TRIM49C: variants seen among roughly 807,000 people sequenced by gnomAD.
The protein encoded by TRIM49C is tripartite motif-containing protein 49C.
TRIM49C carries 6 observed loss-of-function variants against 21.4 expected under a neutral mutation model. The observed-to-expected ratio is 0.28, with a 90% confidence interval of 0.15 to 0.55. The LOEUF is 0.55. Among genes scored for constraint, TRIM49C ranks in the 20% least tolerant of loss-of-function variants. The pLI, the probability that TRIM49C is intolerant of heterozygous loss-of-function variation, is 0.94. For synonymous variants in TRIM49C, 57 were observed against 148.1 expected, an observed-to-expected ratio of 0.38 and a Z score of 4.47; for missense variants, 161 against 442.4, an observed-to-expected ratio of 0.36 and a Z score of 5.71.
intron 4 of TRIM49C, among the ~76,000 whole-genome samples, chr11:90,036,876 G>T (rs1465993626): frequency 1.5e-5 from 2 of 137,216 alleles, no homozygotes; most frequent in South Asian, 5.0e-4. Flanking sequence ...AAGCAGGGAA[G>T]TAGAAAAGGA....
intron 2 of TRIM49C, among the ~76,000 whole-genome samples, chr11:90,034,728 C>T (rs1254317876): frequency 7.5e-6 from 1 of 133,266 alleles, no homozygotes; most frequent in Non-Finnish European, 1.6e-5. Flanking sequence ...TGGTGGTTTG[C>T]TGCCCGGCTT....
the TRIM49C span, among the ~76,000 whole-genome samples, chr11:90,070,829 T>C: frequency 2.8e-4 from 40 of 141,748 alleles, 1 homozygote; most frequent in Non-Finnish European, 1.4e-4. Context: ...CAGAGTCTTC[T>C]GTCAACCAGG....
chr11:90,071,769 G>A, the TRIM49C span: 5 of 1,162,806 alleles, frequency 4.3e-6, no homozygotes, highest in Non-Finnish European at 6.1e-6. Flanking sequence ...CACAGGACCG[G>A]TGGACAGGCT....
At chr11:90,053,312 C>T in the TRIM49C span, 1 of 145,194 alleles carries the variant, frequency 6.9e-6, no homozygotes, top group South Asian at 2.0e-4. Flanking sequence ...GGGCTGCGTT[C>T]CCCTCCCTGT....
intron 2 of TRIM49C, among the ~76,000 whole-genome samples, chr11:90,033,342 A>G (rs1217933568): frequency 2.2e-5 from 3 of 133,408 alleles, no homozygotes; most frequent in Admixed American, 8.6e-5. Context: ...GGTTCTCCAG[A>G]CAGAACCATA....
At chr11:90,063,089 T>A in the TRIM49C span, 3 of 1,167,096 alleles carry the variant, frequency 2.6e-6, no homozygotes, top group Middle Eastern at 6.2e-4. Flanking sequence ...GTGGACAATT[T>A]TCTTTGTCTA....
the TRIM49C span, among the ~76,000 whole-genome samples, chr11:90,049,039 G>A: frequency 1.6e-3 from 198 of 125,618 alleles, 41 homozygotes; most frequent in Admixed American, 3.3e-3. Context: ...CACTCCAGAC[G>A]CTGTTTGCCT....
the TRIM49C span, chr11:90,073,480 C>T: frequency 2.6e-6 from 1 of 387,090 alleles, no homozygotes; most frequent in South Asian, 2.6e-5. Flanking sequence ...ACTTTTCAGG[C>T]TTTTTTCTAC....
Position 90,033,440 on chromosome 11 carries a change from A to G in TRIM49C, c.-5+858A>G, listed in dbSNP as rs763933281. 4.4e-5 allele frequency among the ~76,000 whole-genome samples: 6 copies of G among 135,998 alleles called. 1 individual carries two copies. Among genetic ancestry groups the G allele is most frequent in the Non-Finnish European group, 8.0e-5 (5 of 62,812 alleles). The allele number at this position is 135,998 out of a possible 152,430, so 89.2% of individuals were successfully genotyped here. ...TATGGTGGTCCCATAAGATTATAAT[A>G]CCAATATGTTTACTGTACCCTTTCT... On this transcript the variant is annotated intron_variant, in intron 2 of 7. Coordinates refer to ENST00000448984, the MANE Select transcript of TRIM49C (RefSeq NM_001195234.1).
At chr11:90,048,974 T>C in the TRIM49C span, among the ~76,000 whole-genome samples, 7 of 127,270 alleles carry the variant, frequency 5.5e-5, 2 homozygotes, top group African/African-American at 2.2e-4. Context: ...TTGTTAGTTT[T>C]CCTTCTAACA....
the TRIM49C span, chr11:90,057,960 C>T: frequency 2.0e-6 from 3 of 1,522,112 alleles, no homozygotes; most frequent in Non-Finnish European, 2.6e-6. Context: ...TGCTTGTGCT[C>T]CCCACACAGC....
chr11:90,065,821 C>A, the TRIM49C span, among the ~76,000 whole-genome samples: 3 of 136,760 alleles, frequency 2.2e-5, no homozygotes, highest in African/African-American at 7.8e-5. Flanking sequence ...CCGAGTTCGG[C>A]GGCAGGCACT....
the TRIM49C span, chr11:90,052,490 C>T: frequency 2.6e-5 from 5 of 189,742 alleles, no homozygotes; most frequent in Non-Finnish European, 4.1e-5. Context: ...GCGGACAGCT[C>T]GCAGTTCCTG....
chr11:90,055,863 T>C, the TRIM49C span, among the ~76,000 whole-genome samples: 1 of 142,834 alleles, frequency 7.0e-6, no homozygotes, highest in Admixed American at 7.4e-5. Flanking sequence ...CATTTCAAAT[T>C]TGTGGTCTTT....
intron 7 of TRIM49C, 44 bp from the exon 8 acceptor site, chr11:90,041,007 T>C (rs1467594486): frequency 6.8e-7 from 1 of 1,469,410 alleles, no homozygotes; most frequent in East Asian, 2.4e-5. Context: ...TTTTCTTATT[T>C]ACACATGTCT....
downstream of TRIM49C, among the ~76,000 whole-genome samples, chr11:90,046,240 C>CT (rs1418710752): frequency 4.0e-5 from 5 of 125,266 alleles, 1 homozygote; most frequent in Non-Finnish European, 4.9e-5. Flanking sequence ...CTAAAATTCT[C>CT]TTTTTTTGTT....
chr11:90,039,535 G>A lies in TRIM49C; in HGVS notation c.762-330G>A, dbSNP rs550240182. On this transcript the variant is annotated intron_variant, in intron 6 of 7. Coordinates refer to ENST00000448984, the MANE Select transcript of TRIM49C (RefSeq NM_001195234.1). ...GATGCATCAGTCTCCCCAAAACCCC[G>A]CTATTTCAGACAAAGATGTCAGGGG... Among the ~76,000 whole-genome samples, 73 of 131,594 alleles carry A rather than the reference G, an allele frequency of 5.5e-4. 4 individuals carry two copies. Among genetic ancestry groups the A allele is most frequent in the African/African-American group, 1.8e-3 (67 of 36,864 alleles). 86.3% of individuals were successfully genotyped at this position (131,594 alleles called of 152,430 possible). A position where few individuals can be genotyped will look rare whatever the true frequency, so the allele number is the denominator to read the frequency against.
At chr11:90,055,826 C>T in the TRIM49C span, among the ~76,000 whole-genome samples, 36 of 145,278 alleles carry the variant, frequency 2.5e-4, no homozygotes, top group Non-Finnish European at 4.1e-4. Context: ...TTGGTACAAA[C>T]ATGTGAGAGA....
chr11:90,046,205 A>G (rs1442361898), downstream of TRIM49C, among the ~76,000 whole-genome samples: 2 of 125,404 alleles, frequency 1.6e-5, 1 homozygote, highest in Non-Finnish European at 3.3e-5. Flanking sequence ...GAACTTTTGC[A>G]TCGATGTTCA....
Sources: allele counts gnomAD v4.1 joint callset (sites outside exome capture counted in the v4.1 genomes callset), GRCh38; gene constraint gnomAD v4.1.1; transcripts MANE v1.5; gene names NCBI Gene and HGNC (gene_info 2026-07-23, HGNC 2026-07-21).